MCM8: variants seen among roughly 807,000 people sequenced by gnomAD.
MCM8 encodes the protein minichromosome maintenance 8 homologous recombination repair factor, also known as DNA helicase MCM8.
In MCM8, 85 loss-of-function variants were observed where a neutral mutation model predicts 98.9. That is an observed-to-expected ratio of 0.86 (90% CI 0.72 to 1.03). MCM8 has a LOEUF of 1.03. Ranked by LOEUF, MCM8 falls within the 50% of genes least tolerant of loss-of-function variation. The pLI, the probability that MCM8 is intolerant of heterozygous loss-of-function variation, is 0.00. For synonymous variants in MCM8, 352 were observed against 338.6 expected (o/e 1.04, Z -0.44); for missense variants, 951 against 997.8 (o/e 0.95, Z 0.63).
chr20:5,954,691 G>A lies in MCM8; in HGVS notation c.336+1G>A. ...AAGGCATATTGATTTGTATGACAAG[G>A]TAAGATTCCTCTACAGCAAAGCTAC... On this transcript the variant is annotated splice_donor_variant, in intron 4 of 18. Coordinates refer to ENST00000610722, the MANE Select transcript of MCM8 (RefSeq NM_032485.6). LOFTEE classifies it high-confidence loss of function. 1 of 1,555,242 alleles carries A rather than the reference G, an allele frequency of 6.4e-7. No individual in the cohort carries two copies. Among genetic ancestry groups the A allele is most frequent in the Non-Finnish European group, 8.9e-7 (1 of 1,127,862 alleles).
At chr20:5,973,528 G>A (rs2089447542) in intron 12 of MCM8, among the ~76,000 whole-genome samples, 1 of 152,194 alleles carries the variant, frequency 6.6e-6, no homozygotes, top group South Asian at 2.1e-4. Context: ...ATAGTTCAGG[G>A]GAGTTAAAGC....
In MCM8 at chr20:5,998,708, A is replaced by G. The variant is rs2089987561; in HGVS notation, c.*4317A>G. ...ACAGTAGTTTGTGTTTCCTGCAACT[A>G]ATCACTCATACATCTGTATCTAAAG... On this transcript the variant is annotated 3_prime_UTR_variant, in exon 19 of 19. Coordinates refer to ENST00000610722, the MANE Select transcript of MCM8 (RefSeq NM_032485.6). 6.6e-6 allele frequency: 1 copy of G among 152,214 alleles called. No homozygotes were observed. The highest frequency in any genetic ancestry group is 6.5e-5 in the Admixed American group (1 of 15,286). 9.4% of individuals were successfully genotyped at this position (152,214 alleles called of 1,614,324 possible).
At chr20:5,967,635 A>C in intron 9 of MCM8, 48 bp downstream of exon 9, 1 of 1,558,350 alleles carries the variant, frequency 6.4e-7, no homozygotes, top group Non-Finnish European at 8.7e-7. Context: ...ATGATTCATC[A>C]ACGTTCATCT....
chr20:5,967,183 A>C (rs1308277167), intron 8 of MCM8, among the ~76,000 whole-genome samples: 2 of 152,196 alleles, frequency 1.3e-5, no homozygotes, highest in Admixed American at 6.5e-5. Context: ...TTTGCTGATG[A>C]TACCTCTACA....
chr20:5,994,403 C>G lies in MCM8; in HGVS notation c.*12C>G, dbSNP rs752371390. On this transcript the variant is annotated 3_prime_UTR_variant, in exon 19 of 19. Transcript: ENST00000610722. The stretch of plus-strand genomic sequence containing the variant: ...TTCAAACTATGTAAAAGGACTTCAC[C>G]AAGTTAGGGCCTCCTGGGTTTATTG... 2 of 1,538,484 alleles carry G rather than the reference C, an allele frequency of 1.3e-6. No homozygotes were observed. The highest frequency in any genetic ancestry group is 1.8e-6 in the Non-Finnish European group (2 of 1,128,192).
intron 4 of MCM8, 58 bp downstream of exon 4, chr20:5,954,748 G>A: frequency 9.8e-7 from 1 of 1,019,320 alleles, no homozygotes; most frequent in South Asian, 1.3e-5. Flanking sequence ...ATGTATTCGA[G>A]GTACTTGTGA....
At chr20:5,987,095 G>A (rs533199035) in intron 16 of MCM8, among the ~76,000 whole-genome samples, 187 bp from the exon 17 acceptor site, 2 of 152,316 alleles carry the variant, frequency 1.3e-5, no homozygotes, top group South Asian at 4.1e-4. Context: ...CCAAAGTGCT[G>A]GGTTTATAGG....
intron 8 of MCM8, 126 bp downstream of exon 8, chr20:5,963,485 G>T: frequency 1.0e-5 from 5 of 482,946 alleles, no homozygotes; most frequent in Admixed American, 3.3e-5. Context: ...GTGTATAATA[G>T]ATGGTTTATT....
intron 10 of MCM8, 129 bp downstream of exon 10, chr20:5,968,154 C>T (rs1345094465): frequency 1.6e-6 from 1 of 623,696 alleles, no homozygotes; most frequent in East Asian, 2.7e-5. Context: ...AGTACTCCAT[C>T]CCCTTGAGTA....
chr20:5,971,860 G>C, intron 10 of MCM8, 147 bp from the exon 11 acceptor site: 1 of 596,142 alleles, frequency 1.7e-6, no homozygotes, highest in East Asian at 3.0e-5. Context: ...GAAATGTACT[G>C]TAAGAATAAA....
intron 10 of MCM8, among the ~76,000 whole-genome samples, chr20:5,969,392 G>C (rs2089350819): frequency 6.6e-6 from 1 of 152,152 alleles, no homozygotes; most frequent in Admixed American, 6.5e-5. Context: ...AGGAGTTCGA[G>C]ACCAACCGGA....
intron 17 of MCM8, 41 bp downstream of exon 17, chr20:5,987,399 T>G (rs552684773): frequency 6.5e-7 from 1 of 1,526,734 alleles, no homozygotes; most frequent in Non-Finnish European, 9.0e-7. Context: ...GAAATACCAG[T>G]TATCTTCCCA....
At chr20:5,953,392 T>G (rs1600235933) in intron 3 of MCM8, among the ~76,000 whole-genome samples, 1 of 152,138 alleles carries the variant, frequency 6.6e-6, no homozygotes, top group East Asian at 1.9e-4. Flanking sequence ...GGAACTGTCT[T>G]TTTTGTGCTG....
Position 5,977,865 on chromosome 20 carries a change from TG to T in MCM8, c.1396-10del, listed in dbSNP as rs2089545943. The T allele has an allele frequency of 1.2e-6, 2 of 1,611,962 alleles. No homozygotes were observed. The highest frequency in any genetic ancestry group is 3.4e-5 in the Admixed American group (2 of 59,658). ...CTTTGGATGATTCTCTTAAACTTTTTGTTTCCTTAGGCAGCGTGCAATGTTG... is the reference window on the plus strand; with the variant it reads ...CTTTGGATGATTCTCTTAAACTTTTTTTTCCTTAGGCAGCGTGCAATGTTG... On this transcript the variant is annotated splice_polypyrimidine_tract_variant and intron_variant, in intron 12 of 18. Transcript: ENST00000610722.
chr20:5,973,339 A>G lies in MCM8; in HGVS notation c.1395+143A>G, dbSNP rs566347407. ...TAAATGAATTGGAATTTGTGTGAGT[A>G]ATATGTAACTTATATCTGACCATAT... On this transcript the variant is annotated intron_variant, in intron 12 of 18. Coordinates refer to ENST00000610722, the MANE Select transcript of MCM8 (RefSeq NM_032485.6). 71 of 1,000,634 alleles carry G rather than the reference A, an allele frequency of 7.1e-5. No homozygotes were observed. In the Admixed American group the frequency reaches 9.6e-4, roughly 14 times the overall value. The allele number at this position is 1,000,634 out of a possible 1,614,324, so 62.0% of individuals were successfully genotyped here. A position where few individuals can be genotyped will look rare whatever the true frequency, so the allele number is the denominator to read the frequency against.
chr20:5,976,852 C>G (rs941267515), intron 12 of MCM8, among the ~76,000 whole-genome samples: 1 of 152,118 alleles, frequency 6.6e-6, no homozygotes, highest in African/African-American at 2.4e-5. Flanking sequence ...TAGGATATCA[C>G]AAGGTGGGAT....
chr20:5,967,708 A>T, intron 9 of MCM8, 121 bp downstream of exon 9: 1 of 1,375,516 alleles, frequency 7.3e-7, no homozygotes, highest in South Asian at 1.4e-5. Context: ...CATAAGATGA[A>T]ACATTCCCTT....
chr20:5,978,401 C>T (rs191691198), intron 13 of MCM8, among the ~76,000 whole-genome samples: 2 of 152,234 alleles, frequency 1.3e-5, no homozygotes, highest in Admixed American at 1.3e-4. Context: ...TGTGGACTGC[C>T]ATGTTCCCAT....
At chr20:5,973,384 C>T (rs555122700) in intron 12 of MCM8, among the ~76,000 whole-genome samples, 188 bp downstream of exon 12, 119 of 152,322 alleles carry the variant, frequency 7.8e-4, no homozygotes, top group African/African-American at 2.7e-3. Flanking sequence ...GAGCCAGTCT[C>T]CTGTTACAGA....
Sources: allele counts gnomAD v4.1 joint callset (sites outside exome capture counted in the v4.1 genomes callset), GRCh38; gene constraint gnomAD v4.1.1; transcripts MANE v1.5; gene names NCBI Gene and HGNC (gene_info 2026-07-23, HGNC 2026-07-21).